OTOF: variants seen among roughly 807,000 people sequenced by gnomAD.
The protein encoded by OTOF is fer-1-like family member 2.
Under a neutral mutation model 236.8 loss-of-function variants are expected in OTOF, and 218 were observed. That is an observed-to-expected ratio of 0.92 (90% CI 0.82 to 1.03). OTOF has a LOEUF of 1.03. Ranked by LOEUF, OTOF falls within the 50% of genes least tolerant of loss-of-function variation. The pLI, the probability that OTOF is intolerant of heterozygous loss-of-function variation, is 0.00. For missense variants in OTOF, 2,590 were observed against 2,694.4 expected (o/e 0.96, Z 0.86); for synonymous variants, 1,041 against 1,072.5 (o/e 0.97, Z 0.57).
At chr2:26,488,939 G>A (rs573041827) in intron 11 of OTOF, among the ~76,000 whole-genome samples, 6 of 152,238 alleles carry the variant, frequency 3.9e-5, no homozygotes, top group South Asian at 2.1e-4. Flanking sequence ...ACTCCAGAGC[G>A]TGTGATGAAG....
chr2:26,555,569 T>C (rs925377079), intron 1 of OTOF, among the ~76,000 whole-genome samples: 5 of 151,408 alleles, frequency 3.3e-5, no homozygotes, highest in African/African-American at 1.2e-4. Context: ...GGAAAAGAGG[T>C]GGCCACGGGC....
chr2:26,519,338 AGGGGCAG>A (rs1666617904), intron 3 of OTOF, among the ~76,000 whole-genome samples: 1 of 152,228 alleles, frequency 6.6e-6, no homozygotes, highest in Non-Finnish European at 1.5e-5. Context: ...GAGAGCTCCA[AGGGGCAG>A]TGAGCACCCT....
Position 26,462,593 on chromosome 2 carries a change from C to T in OTOF, c.5193-412G>A, listed in dbSNP as rs187454417. ...ATTAAGAGTGAGGCTGAGTCATTCA[C>T]TAAAAATTGATCTGAGCATGGCTCT... On this transcript the variant is annotated intron_variant, in intron 41 of 46. Transcript: ENST00000272371. This position sits in a 1 kb window ranked among gnomAD's most constrained non-coding sequence, Gnocchi z 4.7. Among the ~76,000 whole-genome samples the T allele has an allele frequency of 1.8e-4, 28 of 152,334 alleles. No individual in the cohort carries two copies. The East Asian group carries it at 4.8e-3, about 26-fold the overall frequency.
At chr2:26,472,405 C>T in intron 30 of OTOF, 114 bp downstream of exon 30, 2 of 1,349,028 alleles carry the variant, frequency 1.5e-6, no homozygotes, top group Non-Finnish European at 2.1e-6. Flanking sequence ...CAGTCACATG[C>T]CAAAGGAGGC....
intron 30 of OTOF, among the ~76,000 whole-genome samples, chr2:26,471,431 C>T (rs915529173): frequency 2.0e-5 from 3 of 152,162 alleles, no homozygotes; most frequent in African/African-American, 4.8e-5. Flanking sequence ...ACAGCTTGTA[C>T]GCCACTTCCA....
chr2:26,476,319 T>TG lies in OTOF; in HGVS notation c.2677-3dup, dbSNP rs754487928. On this transcript the variant is annotated splice_polypyrimidine_tract_variant and splice_region_variant and intron_variant, in intron 22 of 46. Coordinates refer to ENST00000272371, the MANE Select transcript of OTOF (RefSeq NM_194248.3). ...GCCGAAGCCCCGCTTCCCTGGCAGC[T>TG]GGGGGTGGGCATGGGGTCACCAGGA... The TG allele has an allele frequency of 6.2e-7, 1 of 1,601,736 alleles. No homozygotes were observed. Among genetic ancestry groups the TG allele is most frequent in the South Asian group, 1.1e-5 (1 of 90,998 alleles).
rs1666498135 is a variant in OTOF, at chr2:26,515,398, A to C, written c.509+1020T>G. 2.1e-5 allele frequency among the ~76,000 whole-genome samples: 3 copies of C among 144,388 alleles called. No individual in the cohort carries two copies. The South Asian group carries it at 6.8e-4, about 33-fold the overall frequency. 94.7% of individuals were successfully genotyped at this position (144,388 alleles called of 152,430 possible). On this transcript the variant is annotated intron_variant, in intron 5 of 46. Coordinates refer to ENST00000272371, the MANE Select transcript of OTOF (RefSeq NM_194248.3). ...ACTCATCTGGCTCCCAGGGTTTCTG[A>C]AGCTTGTGTGTGTGTGTGTATGTGT...
chr2:26,522,945 G>A (rs1666712623), intron 3 of OTOF, among the ~76,000 whole-genome samples: 1 of 152,370 alleles, frequency 6.6e-6, no homozygotes, highest in South Asian at 2.1e-4. Flanking sequence ...CGGCTGGGCA[G>A]AGCTAAGATC....
At chr2:26,474,824 C>A in intron 25 of OTOF, 150 bp from the exon 26 acceptor site, 1 of 873,862 alleles carries the variant, frequency 1.1e-6, no homozygotes, top group South Asian at 1.4e-5. Flanking sequence ...TCAGGGCCCA[C>A]CAAAGACTTG....
chr2:26,499,224 A>G (rs937127251), intron 8 of OTOF, among the ~76,000 whole-genome samples: 7 of 152,078 alleles, frequency 4.6e-5, no homozygotes, highest in Non-Finnish European at 1.0e-4. Context: ...TGCCTTGGAG[A>G]TGGCAATAAT....
intron 1 of OTOF, among the ~76,000 whole-genome samples, chr2:26,548,550 C>G (rs1667388973): frequency 6.6e-6 from 1 of 152,230 alleles, no homozygotes; most frequent in African/African-American, 2.4e-5. Context: ...CTGTTCTGAG[C>G]ATTTCGTATA....
chr2:26,500,936 C>T (rs1003076647), intron 8 of OTOF, among the ~76,000 whole-genome samples: 3 of 152,174 alleles, frequency 2.0e-5, no homozygotes, highest in African/African-American at 7.2e-5. Flanking sequence ...CGAACATCCC[C>T]AGGACAGAAG....
chr2:26,475,785 C>T, intron 24 of OTOF, 129 bp downstream of exon 24: 1 of 1,243,968 alleles, frequency 8.0e-7, no homozygotes, highest in Non-Finnish European at 1.1e-6. Context: ...CCCTGAGAAA[C>T]CGGGGCACTG....
At position 26,467,352 on chromosome 2, in the gene OTOF, C is replaced by T; in HGVS notation, c.4227+13G>A. 1 of 1,613,808 alleles carries T rather than the reference C, an allele frequency of 6.2e-7. No homozygotes were observed. Among genetic ancestry groups the T allele is most frequent in the Non-Finnish European group, 8.5e-7 (1 of 1,179,992 alleles). On this transcript the variant is annotated intron_variant, in intron 34 of 46. Coordinates refer to ENST00000272371, the MANE Select transcript of OTOF (RefSeq NM_194248.3). ...CCCACACACCCTAGAAGGGTCTGCTCCTAGGCTCTCACCTTAAGCTCATCA... is the reference window on the plus strand; with the variant it reads ...CCCACACACCCTAGAAGGGTCTGCTTCTAGGCTCTCACCTTAAGCTCATCA...
chr2:26,527,966 G>A lies in OTOF; in HGVS notation c.139-46C>T, dbSNP rs747505953. 5.1e-5 allele frequency: 69 copies of A among 1,360,948 alleles called. 2 individuals carry two copies. The South Asian group carries it at 6.9e-4, about 14-fold the overall frequency. The allele number at this position is 1,360,948 out of a possible 1,614,324, so 84.3% of individuals were successfully genotyped here. ...GCGGCTTCGGTGGCAATAACAGGTA[G>A]GAGCCGTGGGGTGTGGGAGGGGAAT... On this transcript the variant is annotated intron_variant, in intron 2 of 46. Coordinates refer to ENST00000272371, the MANE Select transcript of OTOF (RefSeq NM_194248.3).
At chr2:26,466,897 G>T in intron 35 of OTOF, 46 bp from the exon 36 acceptor site, 2 of 1,613,740 alleles carry the variant, frequency 1.2e-6, no homozygotes, top group Non-Finnish European at 1.7e-6. Context: ...GCCTGGCAAG[G>T]GTGGCATTCA....
At chr2:26,471,450 C>T (rs928169852) in intron 30 of OTOF, among the ~76,000 whole-genome samples, 37 of 152,170 alleles carry the variant, frequency 2.4e-4, no homozygotes, top group African/African-American at 8.9e-4. Flanking sequence ...CACACCCAAC[C>T]CCCAGATGGC....
intron 1 of OTOF, among the ~76,000 whole-genome samples, chr2:26,545,136 A>T (rs1667300754): frequency 6.6e-6 from 1 of 152,178 alleles, no homozygotes; most frequent in Admixed American, 6.5e-5. Context: ...TGTAAAAAAA[A>T]TTTCAGTTGT....
intron 1 of OTOF, among the ~76,000 whole-genome samples, chr2:26,555,333 G>A (rs1367039850): frequency 1.3e-5 from 2 of 152,196 alleles, no homozygotes; most frequent in Non-Finnish European, 2.9e-5. Flanking sequence ...GATTCGCCCA[G>A]GACTCCCTAT....
Sources: gnomAD v4.1 joint callset for allele counts (sites outside exome capture counted in the v4.1 genomes callset) on GRCh38, gnomAD v4.1.1 for gene constraint, Gnocchi (gnomAD v3.1) non-coding constraint, MANE v1.5 for transcripts, NCBI Gene and HGNC (gene_info 2026-07-23, HGNC 2026-07-21) for gene names.